Variants in EDNRB observed in about 807,000 individuals in gnomAD.
EDNRB encodes Hirschsprung disease 2.
EDNRB carries 18 observed loss-of-function variants against 46.4 expected under a neutral mutation model. That is an observed-to-expected ratio of 0.39 (90% CI 0.27 to 0.57). The LOEUF is 0.57. EDNRB is among the 20% of genes least tolerant of loss of function. The pLI is 0.61. For missense variants in EDNRB, 434 were observed against 537.5 expected (o/e 0.81, Z 1.90); for synonymous variants, 213 against 204.9 (o/e 1.04, Z -0.34).
In EDNRB at chr13:77,897,342, A is replaced by G; in HGVS notation, c.*858T>C. 1.0e-6 allele frequency: 1 copy of G among 985,268 alleles called. No individual in the cohort carries two copies. Among genetic ancestry groups the G allele is most frequent in the Non-Finnish European group, 1.2e-6 (1 of 829,838 alleles). 61.0% of individuals were successfully genotyped at this position (985,268 alleles called of 1,614,324 possible). On this transcript the variant is annotated 3_prime_UTR_variant, in exon 7 of 7. Transcript: ENST00000646607. ...TTTAATAATCCTGAAAAAATTGTAG[A>G]TAGTATTGTCTTCACAGGGTATGTG...
At chr13:77,935,218 T>A (rs1266795722) in intron 1 of EDNRB, among the ~76,000 whole-genome samples, 1 of 152,184 alleles carries the variant, frequency 6.6e-6, no homozygotes, top group Admixed American at 6.5e-5. Flanking sequence ...CACGCAAACT[T>A]GAGGGCTAAG....
intron 1 of EDNRB, among the ~76,000 whole-genome samples, chr13:77,967,733 A>T (rs918863742): frequency 6.6e-6 from 1 of 152,224 alleles, no homozygotes. Flanking sequence ...TAGTATTATC[A>T]GTTGACACAC....
At chr13:77,911,069 T>G (rs912378467) in intron 1 of EDNRB, among the ~76,000 whole-genome samples, 2 of 152,038 alleles carry the variant, frequency 1.3e-5, no homozygotes, top group African/African-American at 2.4e-5. Flanking sequence ...AATATATCCA[T>G]AGTTTGAGCT....
At chr13:77,955,912 A>C (rs1162927223) in intron 1 of EDNRB, among the ~76,000 whole-genome samples, 2 of 148,970 alleles carry the variant, frequency 1.3e-5, no homozygotes, top group African/African-American at 5.1e-5. Context: ...TGCCAGTACC[A>C]TACTGTTTTA....
At chr13:77,931,330 AT>A (rs989785772) in intron 1 of EDNRB, among the ~76,000 whole-genome samples, 2 of 151,560 alleles carry the variant, frequency 1.3e-5, no homozygotes, top group East Asian at 1.9e-4. Context: ...GAAGTCAAGT[AT>A]TTTTTTTTAA....
chr13:77,924,138 A>G (rs982752556), upstream of EDNRB, among the ~76,000 whole-genome samples: 1 of 152,218 alleles, frequency 6.6e-6, no homozygotes, highest in African/African-American at 2.4e-5. Flanking sequence ...GCCAAGAGTC[A>G]TGGCATGCTT....
intron 1 of EDNRB, among the ~76,000 whole-genome samples, chr13:77,908,455 A>C (rs1478418501): frequency 6.6e-6 from 1 of 151,918 alleles, no homozygotes; most frequent in African/African-American, 2.4e-5. Context: ...ATTCACTCTC[A>C]ACCAAGATGC....
Position 77,896,586 on chromosome 13 carries a change from T to G in EDNRB, c.*1614A>C, listed in dbSNP as rs1878638416. The G allele has an allele frequency of 6.5e-7, 1 of 1,545,004 alleles. No homozygotes were observed. Among genetic ancestry groups the G allele is most frequent in the African/African-American group, 1.4e-5 (1 of 72,756 alleles). The stretch of plus-strand genomic sequence containing the variant: ...ATTAAAAGAAAAACAAAGTAAAAAT[T>G]TGGGCATATTTTAAGACCGAGTTAA... On this transcript the variant is annotated 3_prime_UTR_variant, in exon 7 of 7. Coordinates refer to ENST00000646607, the MANE Select transcript of EDNRB (RefSeq NM_001122659.3).
intron 1 of EDNRB, among the ~76,000 whole-genome samples, chr13:77,966,383 T>G (rs1439715007): frequency 1.3e-5 from 2 of 152,202 alleles, no homozygotes; most frequent in African/African-American, 4.8e-5. Context: ...TAACAACAAA[T>G]ACATGTCTTC....
intron 1 of EDNRB, among the ~76,000 whole-genome samples, chr13:77,945,501 G>T (rs747211175): frequency 4.6e-5 from 7 of 152,118 alleles, no homozygotes; most frequent in South Asian, 2.1e-4. Context: ...GAGATCACAG[G>T]GAAAAATGGT....
chr13:77,906,648 C>T (rs573070287), intron 1 of EDNRB, among the ~76,000 whole-genome samples: 12 of 152,110 alleles, frequency 7.9e-5, no homozygotes, highest in Admixed American at 2.0e-4. Context: ...TAATTTGCCA[C>T]GTCTGTGAAT....
chr13:77,909,941 CTTG>C (rs908281617), intron 1 of EDNRB, among the ~76,000 whole-genome samples: 1 of 151,892 alleles, frequency 6.6e-6, no homozygotes, highest in Non-Finnish European at 1.5e-5. Context: ...GGGCTGGACT[CTTG>C]TTGGAGTTCT....
intron 1 of EDNRB, among the ~76,000 whole-genome samples, chr13:77,968,011 C>A (rs968094497): frequency 6.6e-6 from 1 of 152,138 alleles, no homozygotes. Context: ...GTGCCATGAA[C>A]AGTTTAAGTT....
upstream of EDNRB, chr13:77,918,987 G>C: frequency 1.0e-6 from 1 of 977,510 alleles, no homozygotes; most frequent in Non-Finnish European, 1.3e-6. The surrounding 1 kb of genome is among the most constrained non-coding windows in gnomAD (Gnocchi z 4.5). Context: ...GCGTGCGTGG[G>C]AACCGCGGAA....
chr13:77,961,812 A>G (rs1167646271), intron 1 of EDNRB, among the ~76,000 whole-genome samples: 1 of 152,212 alleles, frequency 6.6e-6, no homozygotes, highest in Non-Finnish European at 1.5e-5. Context: ...AGACATGAAA[A>G]ACCCTTCAAA....
chr13:77,948,227 A>T (rs1880987406), intron 1 of EDNRB, among the ~76,000 whole-genome samples: 1 of 152,160 alleles, frequency 6.6e-6, no homozygotes, highest in South Asian at 2.1e-4. Context: ...TTCCTTGGGG[A>T]TCAAATAGGA....
intron 1 of EDNRB, among the ~76,000 whole-genome samples, chr13:77,937,452 C>A (rs918373743): frequency 6.6e-6 from 1 of 152,094 alleles, no homozygotes; most frequent in Middle Eastern, 3.2e-3. Flanking sequence ...TAAGTCACTC[C>A]AGGTTAAACT....
At chr13:77,926,149 C>T (rs1880230271) in intron 1 of EDNRB, among the ~76,000 whole-genome samples, 1 of 152,196 alleles carries the variant, frequency 6.6e-6, no homozygotes, top group Non-Finnish European at 1.5e-5. Context: ...CTGCACACAG[C>T]ATGGGGACCC....
upstream of EDNRB, chr13:77,919,681 C>T (rs3759476): frequency 8.8e-4 from 1,308 of 1,478,320 alleles, 25 homozygotes; most frequent in East Asian, 0.028. Context: ...CAACCTTTCC[C>T]CTTGGGCGAT....
Sources: allele counts gnomAD v4.1 joint callset (sites outside exome capture counted in the v4.1 genomes callset), GRCh38; gene constraint gnomAD v4.1.1; non-coding constraint Gnocchi (gnomAD v3.1); transcripts MANE v1.5; gene names NCBI Gene and HGNC (gene_info 2026-07-23, HGNC 2026-07-21).